ADAMTSL3: variants seen among roughly 807,000 people sequenced by gnomAD.
ADAMTSL3 encodes the protein ADAMTS-like protein 3.
In ADAMTSL3, 128 loss-of-function variants were observed where a neutral mutation model predicts 201.7. The observed-to-expected ratio is 0.63, with a 90% CI of 0.55 to 0.73. The LOEUF is 0.73. Ranked by LOEUF, ADAMTSL3 falls within the 30% of genes least tolerant of loss-of-function variation. ADAMTSL3 has a pLI of 0.00. For missense variants in ADAMTSL3, 1,990 were observed against 2,119.6 expected (o/e 0.94, Z 1.20); for synonymous variants, 738 against 748.4 (o/e 0.99, Z 0.23).
Position 83,981,558 on chromosome 15 carries a change from C to T in ADAMTSL3, c.2645-715C>T, listed in dbSNP as rs146848404. ...TTTCACAGGTGAGGAAACTGAGGCTCAGAGAGATGAAAGAATTTGTCCAAG... is the reference window on the plus strand; with the variant it reads ...TTTCACAGGTGAGGAAACTGAGGCTTAGAGAGATGAAAGAATTTGTCCAAG... On this transcript the variant is annotated intron_variant, in intron 20 of 29. Transcript: ENST00000286744. Among the ~76,000 whole-genome samples, 640 of 152,334 alleles carry T rather than the reference C, an allele frequency of 4.2e-3. 3 individuals carry two copies. Among genetic ancestry groups the T allele is most frequent in the Admixed American group, 7.0e-3 (107 of 15,300 alleles).
At chr15:83,666,845 GA>G (rs921320675) in intron 2 of ADAMTSL3, among the ~76,000 whole-genome samples, 92 of 112,610 alleles carry the variant, frequency 8.2e-4, no homozygotes, top group Middle Eastern at 5.0e-3. Context: ...CCTGTCTCAA[GA>G]AAAAAAAAAA....
At chr15:83,980,082 A>G (rs574598053) in intron 20 of ADAMTSL3, among the ~76,000 whole-genome samples, 8 of 152,204 alleles carry the variant, frequency 5.3e-5, no homozygotes, top group Non-Finnish European at 1.0e-4. Context: ...AAAATTTGAG[A>G]GCCATTTTTT....
At chr15:83,691,350 C>G (rs956513420) in intron 2 of ADAMTSL3, among the ~76,000 whole-genome samples, 85 of 152,306 alleles carry the variant, frequency 5.6e-4, no homozygotes, top group African/African-American at 1.9e-3. Flanking sequence ...ATGTTGCCCA[C>G]CTTTAGCAGT....
chr15:83,804,884 C>G (rs922956495), intron 5 of ADAMTSL3, among the ~76,000 whole-genome samples, 189 bp downstream of exon 5: 13 of 152,074 alleles, frequency 8.5e-5, no homozygotes, highest in East Asian at 3.9e-4. Flanking sequence ...AAGGCCATAT[C>G]ACATTCATGA....
chr15:83,992,545 T>C lies in ADAMTSL3; in HGVS notation c.3973+1331T>C, dbSNP rs144317738. Among the ~76,000 whole-genome samples, 20 of 152,316 alleles carry C rather than the reference T, an allele frequency of 1.3e-4. No homozygotes were observed. In the East Asian group the frequency reaches 3.5e-3, roughly 26 times the overall value. On this transcript the variant is annotated intron_variant, in intron 23 of 29. Coordinates refer to ENST00000286744, the MANE Select transcript of ADAMTSL3 (RefSeq NM_207517.3). ...CCAAGCCACAGATGTCTAAAGTTTC[T>C]ACAGCCCTATACCTGCAGAGGATTC...
chr15:84,025,498 A>T (rs1596551044), intron 27 of ADAMTSL3, 62 bp downstream of exon 27: 1 of 1,493,954 alleles, frequency 6.7e-7, no homozygotes, highest in Non-Finnish European at 9.1e-7. Flanking sequence ...GTGTGATAAT[A>T]ATCACCTTGT....
At chr15:83,805,414 G>A (rs2141866606) in intron 5 of ADAMTSL3, among the ~76,000 whole-genome samples, 1 of 152,020 alleles carries the variant, frequency 6.6e-6, no homozygotes, top group African/African-American at 2.4e-5. Flanking sequence ...AAACTTAGCT[G>A]GGCTTGGTGA....
intron 3 of ADAMTSL3, among the ~76,000 whole-genome samples, chr15:83,744,145 C>T (rs531390785): frequency 1.0e-3 from 155 of 152,168 alleles, no homozygotes; most frequent in African/African-American, 3.5e-3. Context: ...CCACTGCGCC[C>T]GGCCATATCT....
chr15:83,889,895 AG>A (rs2141884523), intron 10 of ADAMTSL3, among the ~76,000 whole-genome samples: 1 of 152,298 alleles, frequency 6.6e-6, no homozygotes, highest in Admixed American at 6.5e-5. Flanking sequence ...CCTGGATCCC[AG>A]CCACAGGACT....
chr15:83,984,685 A>G (rs531517695), intron 21 of ADAMTSL3, among the ~76,000 whole-genome samples: 22 of 152,212 alleles, frequency 1.4e-4, no homozygotes, highest in Non-Finnish European at 3.2e-4. Flanking sequence ...TGGGCCTATA[A>G]CATGTTCATA....
Position 83,983,126 on chromosome 15 carries a change from C to T in ADAMTSL3, c.3498C>T (p.Asn1166=), listed in dbSNP as rs750920704. 3.3e-5 allele frequency: 54 copies of T among 1,613,858 alleles called. No individual in the cohort carries two copies. The highest frequency in any genetic ancestry group is 4.1e-5 in the Non-Finnish European group (48 of 1,179,954). ...TGTCCCAAAGCTCGCATGCAAAAAA[C>T]TCAGGCAAGCTGACATTCAAGCCGA... is the stretch of plus-strand genomic sequence containing the variant. The part of the protein sequence containing the change: ...GSVSQSSHAK[N]SGKLTFKPKG... The change falls in exon 21 of 30, where the codon AAC becomes AAT. Residue 1166 remains asparagine (N), a synonymous_variant. Coordinates refer to ENST00000286744, the MANE Select transcript of ADAMTSL3 (RefSeq NM_207517.3).
chr15:83,903,924 A>AGGAAGGAAGG (rs1449297227), intron 15 of ADAMTSL3, among the ~76,000 whole-genome samples: 51 of 62,204 alleles, frequency 8.2e-4, no homozygotes, highest in African/African-American at 1.5e-3. Flanking sequence ...CATCAAAAAA[A>AGGAAGGAAGG]AAAAAAAAAA....
At chr15:83,948,002 C>T (rs148884058) in intron 19 of ADAMTSL3, among the ~76,000 whole-genome samples, 1 of 152,288 alleles carries the variant, frequency 6.6e-6, no homozygotes, top group African/African-American at 2.4e-5. Flanking sequence ...GAGTTCTTCA[C>T]CTCCTATATT....
intron 3 of ADAMTSL3, among the ~76,000 whole-genome samples, chr15:83,728,219 T>C (rs2062209923): frequency 6.6e-6 from 1 of 151,978 alleles, no homozygotes; most frequent in Non-Finnish European, 1.5e-5. Flanking sequence ...ATATCTTTTT[T>C]CATCCCTTTT....
chr15:83,834,482 T>TA (rs563112681), intron 6 of ADAMTSL3, among the ~76,000 whole-genome samples: 1,956 of 151,042 alleles, frequency 0.013, 38 homozygotes, highest in African/African-American at 0.045. Context: ...ACGGTTGATT[T>TA]AAAAAAAAAA....
At chr15:83,889,446 T>C (rs1051752284) in intron 10 of ADAMTSL3, among the ~76,000 whole-genome samples, 2 of 152,100 alleles carry the variant, frequency 1.3e-5, no homozygotes, top group East Asian at 3.9e-4. Context: ...AAAAACATGA[T>C]GTTGAGTGAA....
At chr15:83,655,365 C>T (rs1450172418) in intron 1 of ADAMTSL3, among the ~76,000 whole-genome samples, 1 of 152,222 alleles carries the variant, frequency 6.6e-6, no homozygotes, top group Admixed American at 6.5e-5. Flanking sequence ...CTCATTTTTG[C>T]CGCGAGCAGC....
At chr15:84,021,735 A>C (rs145813726) in intron 26 of ADAMTSL3, 142 bp downstream of exon 26, 2 of 895,876 alleles carry the variant, frequency 2.2e-6, no homozygotes, top group Non-Finnish European at 3.3e-6. Flanking sequence ...AGTGCTTTAC[A>C]TGGATCACAG....
intron 3 of ADAMTSL3, among the ~76,000 whole-genome samples, chr15:83,768,788 A>G (rs1360905921): frequency 6.6e-6 from 1 of 152,210 alleles, no homozygotes; most frequent in Non-Finnish European, 1.5e-5. Flanking sequence ...CTGTGTTATC[A>G]TTATGCTGCT....
Sources: allele counts gnomAD v4.1 joint callset (sites outside exome capture counted in the v4.1 genomes callset), GRCh38; gene constraint gnomAD v4.1.1; transcripts MANE v1.5; gene names NCBI Gene and HGNC (gene_info 2026-07-23, HGNC 2026-07-21).